The following GAS7 variants were observed in gnomAD, a reference collection of about 807,000 sequenced individuals.
GAS7 encodes the protein growth arrest-specific protein 7.
In GAS7, 28 loss-of-function variants were observed where a neutral mutation model predicts 71.1. The observed-to-expected ratio is 0.39, with a 90% CI of 0.29 to 0.54. The LOEUF (loss-of-function observed/expected upper bound fraction) is 0.54. GAS7 is among the 20% of genes least tolerant of loss of function. The probability of loss-of-function intolerance (pLI) is 0.62; values close to 1 mark genes in which losing one functional copy is unlikely to be tolerated. For synonymous variants in GAS7, 258 were observed against 245.8 expected, an observed-to-expected ratio of 1.05 and a Z score of -0.46; for missense variants, 436 against 627.8, an observed-to-expected ratio of 0.69 and a Z score of 3.27.
intron 1 of GAS7, among the ~76,000 whole-genome samples, chr17:10,047,344 C>T (rs559184864): frequency 1.4e-4 from 21 of 152,244 alleles, no homozygotes; most frequent in Admixed American, 3.9e-4. Flanking sequence ...AAGGCCAATT[C>T]GAAAACAGAA....
At position 9,926,566 on chromosome 17, in the gene GAS7, G is replaced by A; in HGVS notation, c.1014+75C>T. On this transcript the variant is annotated intron_variant, in intron 10 of 13. Transcript: ENST00000432992. The surrounding 1 kb of genome is among the most constrained non-coding windows in gnomAD (Gnocchi z 5.0). Reference sequence around the variant, plus strand: ...CTCAGCCTTGGCGTATGGAGCCACTGCTGGCTTCCCAGTCCCCCTTCTTCC... The same window carrying A: ...CTCAGCCTTGGCGTATGGAGCCACTACTGGCTTCCCAGTCCCCCTTCTTCC... The A allele has an allele frequency of 6.6e-7, 1 of 1,510,378 alleles. No homozygotes were observed. The highest frequency in any genetic ancestry group is 1.7e-5 in the Admixed American group (1 of 59,374). 93.6% of individuals were successfully genotyped at this position (1,510,378 alleles called of 1,614,324 possible). A position where few individuals can be genotyped will look rare whatever the true frequency, so the allele number is the denominator to read the frequency against.
chr17:10,160,361 C>A (rs2074243240), intron 1 of GAS7, among the ~76,000 whole-genome samples: 1 of 152,166 alleles, frequency 6.6e-6, no homozygotes, highest in African/African-American at 2.4e-5. Context: ...ATTTCTACTG[C>A]CCATTTAAAA....
Position 10,116,391 on chromosome 17 carries a change from T to C in GAS7, c.183+81817A>G, listed in dbSNP as rs139866454. Among the ~76,000 whole-genome samples the C allele has an allele frequency of 8.6e-4, 130 of 151,948 alleles. 1 individual carries two copies. Among genetic ancestry groups the C allele is most frequent in the African/African-American group, 3.0e-3 (124 of 41,440 alleles). On this transcript the variant is annotated intron_variant, in intron 1 of 13. Transcript: ENST00000432992. ...ACAGTGCTCATCTGTAAGAAATGCATGGAACAAAATGAATACTCTCCAGAG... is the reference window on the plus strand; with the variant it reads ...ACAGTGCTCATCTGTAAGAAATGCACGGAACAAAATGAATACTCTCCAGAG...
At chr17:10,146,033 G>A (rs1319889458) in intron 1 of GAS7, among the ~76,000 whole-genome samples, 1 of 152,132 alleles carries the variant, frequency 6.6e-6, no homozygotes, top group Non-Finnish European at 1.5e-5. Flanking sequence ...GACCTTGAGA[G>A]AATGGTGGCT....
At chr17:9,922,754 C>T (rs538913733) in intron 11 of GAS7, among the ~76,000 whole-genome samples, 20 of 152,206 alleles carry the variant, frequency 1.3e-4, no homozygotes, top group Middle Eastern at 3.4e-3. Flanking sequence ...ATTCTTGGTT[C>T]GAAGATCAAA....
In GAS7 at chr17:10,038,848, C is replaced by T. The variant is rs534190157; in HGVS notation, c.184-18951G>A. ...CCAAGTAGCTGGGACTACAGGTGCG[C>T]ACCACCATGCCTGGCTAATTGGAAG... On this transcript the variant is annotated intron_variant, in intron 1 of 13. Transcript: ENST00000432992. 2.6e-5 allele frequency among the ~76,000 whole-genome samples: 4 copies of T among 152,068 alleles called. 1 individual carries two copies. The highest frequency in any genetic ancestry group is 9.6e-5 in the African/African-American group (4 of 41,512).
chr17:9,928,381 C>T (rs1003169129), intron 9 of GAS7, among the ~76,000 whole-genome samples: 1 of 152,090 alleles, frequency 6.6e-6, no homozygotes, highest in African/African-American at 2.4e-5. Flanking sequence ...CTCGGCCTCC[C>T]AAAGTGCTGG....
chr17:10,194,500 C>G (rs1415959513), intron 1 of GAS7, among the ~76,000 whole-genome samples: 4 of 152,188 alleles, frequency 2.6e-5, no homozygotes, highest in African/African-American at 7.2e-5. Context: ...CCACCTTCCC[C>G]AGGAGCTATT....
At chr17:10,154,950 ACACAC>A (rs1399195991) in intron 1 of GAS7, among the ~76,000 whole-genome samples, 5 of 135,328 alleles carry the variant, frequency 3.7e-5, no homozygotes, top group African/African-American at 1.4e-4. Flanking sequence ...ACACACACAC[ACACAC>A]AAAACCCATG....
intron 1 of GAS7, among the ~76,000 whole-genome samples, chr17:10,148,707 C>T (rs1204704898): frequency 6.6e-6 from 1 of 151,408 alleles, no homozygotes; most frequent in Non-Finnish European, 1.5e-5. Context: ...GTCAGGAGAT[C>T]GAGACCATCC....
At chr17:9,927,958 T>A (rs2068070117) in intron 9 of GAS7, among the ~76,000 whole-genome samples, 1 of 151,974 alleles carries the variant, frequency 6.6e-6, no homozygotes, top group Non-Finnish European at 1.5e-5. Flanking sequence ...GAGAAAAGGG[T>A]TTATGCTGTC....
chr17:10,096,816 C>A lies in GAS7; in HGVS notation c.184-76919G>T, dbSNP rs540737321. On this transcript the variant is annotated intron_variant, in intron 1 of 13. Transcript: ENST00000432992. ...ATCCTGACATCTTTGGATCCTGTAGCCACAGAACCTACGGATCCACGAGTG... is the reference window on the plus strand; with the variant it reads ...ATCCTGACATCTTTGGATCCTGTAGACACAGAACCTACGGATCCACGAGTG... Among the ~76,000 whole-genome samples the A allele has an allele frequency of 5.9e-4, 90 of 152,378 alleles. No homozygotes were observed. The Middle Eastern group carries it at 0.017, about 29-fold the overall frequency.
chr17:10,007,041 A>C (rs1047732100), intron 2 of GAS7, among the ~76,000 whole-genome samples: 1 of 152,204 alleles, frequency 6.6e-6, no homozygotes, highest in African/African-American at 2.4e-5. Flanking sequence ...TTAAATTTCT[A>C]TAAGAGGAAA....
intron 1 of GAS7, among the ~76,000 whole-genome samples, chr17:10,042,068 G>A (rs1315118817): frequency 3.3e-5 from 5 of 152,094 alleles, no homozygotes. Flanking sequence ...AAGCCAAGAC[G>A]GGCAGATCAT....
chr17:9,957,415 G>A (rs1028811803), intron 5 of GAS7, among the ~76,000 whole-genome samples: 2 of 152,222 alleles, frequency 1.3e-5, no homozygotes, highest in East Asian at 1.9e-4. Context: ...GGCCACACCC[G>A]AAGCCCTGGC....
chr17:10,137,659 C>G (rs936303682), intron 1 of GAS7, among the ~76,000 whole-genome samples: 2 of 151,974 alleles, frequency 1.3e-5, no homozygotes, highest in Non-Finnish European at 2.9e-5. Flanking sequence ...CCTGCCTCAG[C>G]CTCCTAAGTA....
intron 7 of GAS7, among the ~76,000 whole-genome samples, chr17:9,941,312 G>C (rs1012133016): frequency 6.6e-6 from 1 of 152,162 alleles, no homozygotes; most frequent in South Asian, 2.1e-4. Flanking sequence ...GGTCAAGAGA[G>C]ATATCTAGAA....
chr17:10,082,081 CG>C (rs536070712), intron 1 of GAS7, among the ~76,000 whole-genome samples: 121 of 151,892 alleles, frequency 8.0e-4, no homozygotes, highest in African/African-American at 2.8e-3. Context: ...TGCACCAACA[CG>C]AAAAAAACTC....
At chr17:10,175,391 G>A (rs1024858391) in intron 1 of GAS7, among the ~76,000 whole-genome samples, 1 of 152,050 alleles carries the variant, frequency 6.6e-6, no homozygotes, top group Admixed American at 6.6e-5. Context: ...TTAAACCACT[G>A]AAATTTATTT....
Sources: gnomAD v4.1 joint callset for allele counts (sites outside exome capture counted in the v4.1 genomes callset) on GRCh38, gnomAD v4.1.1 for gene constraint, Gnocchi (gnomAD v3.1) non-coding constraint, MANE v1.5 for transcripts, NCBI Gene and HGNC (gene_info 2026-07-23, HGNC 2026-07-21) for gene names.